The following ELAVL1 variants were observed in gnomAD, a reference collection of about 807,000 sequenced individuals.
The protein encoded by ELAVL1 is ELAV like RNA binding protein 1, also known as ELAV-like protein 1.
ELAVL1 carries 1 observed loss-of-function variant against 28.4 expected under a neutral mutation model. That is an observed-to-expected ratio of 0.04 (90% CI 0.01 to 0.17). The LOEUF (loss-of-function observed/expected upper bound fraction) is 0.17. Ranked by LOEUF, ELAVL1 falls within the 10% of genes least tolerant of loss-of-function variation. The pLI, the probability that ELAVL1 is intolerant of heterozygous loss-of-function variation, is 1.00. For synonymous variants in ELAVL1, 174 were observed against 183.5 expected, an observed-to-expected ratio of 0.95 and a Z score of 0.42; for missense variants, 157 against 447.2, an observed-to-expected ratio of 0.35 and a Z score of 5.85.
At chr19:7,973,634 A>T in intron 4 of ELAVL1, 91 bp downstream of exon 4, 1 of 1,483,664 alleles carries the variant, frequency 6.7e-7, no homozygotes, top group Non-Finnish European at 9.2e-7. Context: ...AACTAATGAC[A>T]TTTAAAATCA....
Position 7,963,587 on chromosome 19 carries a change from T to C in ELAVL1, c.877A>G (p.Thr293Ala). ...GCCATCGCGGCTTCTTCATAGTTTG[T>C]CATGGTCACAAAGCCAAACCCTTTG... is the stretch of plus-strand genomic sequence containing the variant. ...KCKGFGFVTM[T>A]NYEEAAMAIA... The change falls in exon 6 of 6, where the codon ACA becomes GCA. Residue 293 changes from threonine (T) to alanine (A), a missense_variant. Transcript: ENST00000407627. This position sits in a 1 kb window ranked among gnomAD's most constrained non-coding sequence, Gnocchi z 4.5. 1 of 1,614,274 alleles carries C rather than the reference T, an allele frequency of 6.2e-7. No individual in the cohort carries two copies. Among genetic ancestry groups the C allele is most frequent in the Non-Finnish European group, 8.5e-7 (1 of 1,180,052 alleles).
intron 1 of ELAVL1, among the ~76,000 whole-genome samples, chr19:8,002,613 G>A (rs1310673456): frequency 6.6e-6 from 1 of 152,244 alleles, no homozygotes; most frequent in Non-Finnish European, 1.5e-5. Context: ...CCTTGAATTC[G>A]ATTCAATAAA....
At position 7,979,256 on chromosome 19, in the gene ELAVL1, C is replaced by A. The variant is rs1052783931; in HGVS notation, c.276+1827G>T. On this transcript the variant is annotated intron_variant, in intron 3 of 5. Transcript: ENST00000407627. The surrounding 1 kb of genome is among the most constrained non-coding windows in gnomAD (Gnocchi z 5.4). Reference sequence around the variant, plus strand: ...AGACTCTGCCGGCAGAGGGCAGGGCCGCCGAAGGTGAGGCAGGCTTCTGCA... The same window carrying A: ...AGACTCTGCCGGCAGAGGGCAGGGCAGCCGAAGGTGAGGCAGGCTTCTGCA... Among the ~76,000 whole-genome samples the A allele has an allele frequency of 6.6e-6, 1 of 152,142 alleles. No individual in the cohort carries two copies. The highest frequency in any genetic ancestry group is 1.5e-5 in the Non-Finnish European group (1 of 68,010).
chr19:7,986,642 G>T (rs957733529), intron 2 of ELAVL1, among the ~76,000 whole-genome samples: 1 of 152,234 alleles, frequency 6.6e-6, no homozygotes, highest in Non-Finnish European at 1.5e-5. Context: ...CCGGCAGGAA[G>T]ACTTTCTATG....
At chr19:7,994,506 G>C (rs1422319887) in intron 1 of ELAVL1, among the ~76,000 whole-genome samples, 1 of 152,232 alleles carries the variant, frequency 6.6e-6, no homozygotes, top group Non-Finnish European at 1.5e-5. Context: ...CAAAGGATGT[G>C]AGCAGCAATT....
In ELAVL1 at chr19:7,979,967, CCT is replaced by C. The variant is rs1985409299; in HGVS notation, c.276+1114_276+1115del. On this transcript the variant is annotated intron_variant, in intron 3 of 5. Coordinates refer to ENST00000407627, the MANE Select transcript of ELAVL1 (RefSeq NM_001419.3). This position sits in a 1 kb window ranked among gnomAD's most constrained non-coding sequence, Gnocchi z 5.4. The stretch of plus-strand genomic sequence containing the variant: ...ACCCTGCAGTGACTCAGGAGGCCCC[CCT>C]GTGACCATGGAATCTATATGTTACA... Among the ~76,000 whole-genome samples the C allele has an allele frequency of 6.6e-6, 1 of 152,174 alleles. No homozygotes were observed. Among genetic ancestry groups the C allele is most frequent in the South Asian group, 2.1e-4 (1 of 4,830 alleles).
In ELAVL1 at chr19:8,003,027, C is replaced by T. The variant is rs559000676; in HGVS notation, c.-17+2468G>A. Among the ~76,000 whole-genome samples, 11 of 152,216 alleles carry T rather than the reference C, an allele frequency of 7.2e-5. 1 individual carries two copies. The highest frequency in any genetic ancestry group is 3.3e-4 in the Admixed American group (5 of 15,272). On this transcript the variant is annotated intron_variant, in intron 1 of 5. Transcript: ENST00000407627. Reference sequence around the variant, plus strand: ...GTGGAAAGAGGGAAGAGATGGGAAGCGGAGAGTGAGAGAGGCAAGAAATTT... The same window carrying T: ...GTGGAAAGAGGGAAGAGATGGGAAGTGGAGAGTGAGAGAGGCAAGAAATTT...
chr19:7,971,232 C>T (rs1010505216), intron 4 of ELAVL1, among the ~76,000 whole-genome samples: 5 of 152,170 alleles, frequency 3.3e-5, no homozygotes, highest in African/African-American at 9.7e-5. Context: ...GCCTGTGGCC[C>T]GTGTGTGCCT....
At chr19:7,971,119 G>A (rs1281044391) in intron 4 of ELAVL1, among the ~76,000 whole-genome samples, 1 of 152,164 alleles carries the variant, frequency 6.6e-6, no homozygotes, top group African/African-American at 2.4e-5. Context: ...GCCGACCCTG[G>A]GGGCGCAATA....
intron 1 of ELAVL1, among the ~76,000 whole-genome samples, chr19:7,998,363 T>A (rs2081056344): frequency 6.6e-6 from 1 of 152,190 alleles, no homozygotes; most frequent in African/African-American, 2.4e-5. Context: ...GTATTCCCTG[T>A]CAGTGGTCAC....
intron 1 of ELAVL1, among the ~76,000 whole-genome samples, chr19:7,998,499 C>T (rs748577059): frequency 5.9e-5 from 9 of 152,176 alleles, no homozygotes; most frequent in African/African-American, 1.9e-4. Flanking sequence ...CCTTCACAAT[C>T]GGACCCAGGT....
chr19:7,973,607 GTCC>G lies in ELAVL1; in HGVS notation c.430+115_430+117del, dbSNP rs758071567. ...GCCAACGTCTTCTCATTTTGGTGCT[GTCC>G]TCGTTTGCGGAATAACTAATGACAT... is the stretch of plus-strand genomic sequence containing the variant. On this transcript the variant is annotated intron_variant, in intron 4 of 5. Coordinates refer to ENST00000407627, the MANE Select transcript of ELAVL1 (RefSeq NM_001419.3). 12 of 1,288,514 alleles carry G rather than the reference GTCC, an allele frequency of 9.3e-6. No individual in the cohort carries two copies. The East Asian group carries it at 2.9e-4, about 31-fold the overall frequency. 79.8% of individuals were successfully genotyped at this position (1,288,514 alleles called of 1,614,324 possible).
At chr19:7,973,655 T>C in intron 4 of ELAVL1, 70 bp downstream of exon 4, 2 of 1,537,108 alleles carry the variant, frequency 1.3e-6, no homozygotes, top group Non-Finnish European at 1.8e-6. Flanking sequence ...AACGGTGATC[T>C]GCCTTCCCTA....
At chr19:7,964,539 A>G (rs905628976) in intron 5 of ELAVL1, among the ~76,000 whole-genome samples, 6 of 152,164 alleles carry the variant, frequency 3.9e-5, no homozygotes, top group African/African-American at 1.4e-4. Flanking sequence ...TTACATAAAA[A>G]ATAAGCCTTT....
intron 4 of ELAVL1, among the ~76,000 whole-genome samples, chr19:7,971,366 A>C (rs918536022): frequency 1.3e-5 from 2 of 152,228 alleles, no homozygotes; most frequent in African/African-American, 4.8e-5. Flanking sequence ...AGGCCGAGGC[A>C]GAGCAGTGCA....
At chr19:7,997,790 A>G (rs2081054464) in intron 1 of ELAVL1, among the ~76,000 whole-genome samples, 1 of 151,664 alleles carries the variant, frequency 6.6e-6, no homozygotes, top group Admixed American at 6.6e-5. Flanking sequence ...AAAAAAAAAA[A>G]TTAAAAATTA....
intron 4 of ELAVL1, 76 bp from the exon 5 acceptor site, chr19:7,967,866 G>A: frequency 3.3e-6 from 5 of 1,519,688 alleles, no homozygotes; most frequent in Non-Finnish European, 4.5e-6. Context: ...CAAAAGTCAG[G>A]TCAGTCTACT....
chr19:7,972,843 G>A lies in ELAVL1; in HGVS notation c.430+882C>T, dbSNP rs138994059. 2.2e-3 allele frequency: 219 copies of A among 101,002 alleles called. 1 individual carries two copies. Among genetic ancestry groups the A allele is most frequent in the African/African-American group, 8.0e-3 (207 of 25,772 alleles). The allele number at this position is 101,002 out of a possible 1,614,324, so 6.3% of individuals were successfully genotyped here. The stretch of plus-strand genomic sequence containing the variant: ...TTTTTTTTTTTTGAGATGAAATCCC[G>A]CTCTGCTGCCCAGGCTGGAGTTCAG... On this transcript the variant is annotated intron_variant, in intron 4 of 5. Coordinates refer to ENST00000407627, the MANE Select transcript of ELAVL1 (RefSeq NM_001419.3).
At chr19:7,997,932 C>T (rs576779386) in intron 1 of ELAVL1, among the ~76,000 whole-genome samples, 2 of 152,238 alleles carry the variant, frequency 1.3e-5, no homozygotes, top group South Asian at 4.1e-4. Flanking sequence ...GCGTGGGCGA[C>T]AGAGTGAGAT....
Sources: gnomAD v4.1 joint callset for allele counts (sites outside exome capture counted in the v4.1 genomes callset) on GRCh38, gnomAD v4.1.1 for gene constraint, Gnocchi (gnomAD v3.1) non-coding constraint, MANE v1.5 for transcripts, NCBI Gene and HGNC (gene_info 2026-07-23, HGNC 2026-07-21) for gene names.